NUP210L: variants seen among roughly 807,000 people sequenced by gnomAD.
NUP210L encodes the protein nucleoporin 210 like.
NUP210L carries 74 observed loss-of-function variants against 208.5 expected under a neutral mutation model. That is an observed-to-expected ratio of 0.35 (90% CI 0.29 to 0.43). NUP210L has a LOEUF of 0.43. NUP210L is among the 20% of genes least tolerant of loss of function. The pLI is 1.00. For synonymous variants in NUP210L, 780 were observed against 816.9 expected, an observed-to-expected ratio of 0.95 and a Z score of 0.77; for missense variants, 1,843 against 2,289.4, an observed-to-expected ratio of 0.81 and a Z score of 3.98.
At chr1:154,054,507 C>A in intron 24 of NUP210L, 100 bp from the exon 25 acceptor site, 1 of 1,142,912 alleles carries the variant, frequency 8.7e-7, no homozygotes, top group Non-Finnish European at 1.3e-6. Flanking sequence ...TTCATCTTCC[C>A]CCATTTCTTG....
intron 17 of NUP210L, among the ~76,000 whole-genome samples, chr1:154,065,237 T>C (rs114631032): frequency 0.016 from 2,435 of 151,716 alleles, 26 homozygotes; most frequent in Non-Finnish European, 0.025. Context: ...TTGGGCAACA[T>C]AGTGAGAACC....
rs1432994082 is a variant in NUP210L at position 154,076,025 on chromosome 1, AG to A, written c.2362-5561del. Among the ~76,000 whole-genome samples, 3 of 151,706 alleles carry A rather than the reference AG, an allele frequency of 2.0e-5. No individual in the cohort carries two copies. The East Asian group carries it at 5.8e-4, about 29-fold the overall frequency. On this transcript the variant is annotated intron_variant, in intron 16 of 39. Coordinates refer to ENST00000368559, the Ensembl canonical transcript of NUP210L. ...GCTGGTCTCGAATTCCTGGACTCAA[AG>A]GATCCGTCCACCTCAGGCTCCCAGA... is the stretch of plus-strand genomic sequence containing the variant.
At chr1:154,151,761 C>T (rs554688331) in intron 2 of NUP210L, among the ~76,000 whole-genome samples, 65 of 152,146 alleles carry the variant, frequency 4.3e-4, no homozygotes, top group African/African-American at 1.5e-3. Context: ...GCACTACAAC[C>T]TGTGCAACAA....
At chr1:154,030,853 T>A (rs1191826493) in intron 27 of NUP210L, among the ~76,000 whole-genome samples, 1 of 152,000 alleles carries the variant, frequency 6.6e-6, no homozygotes, top group Non-Finnish European at 1.5e-5. Context: ...CACCTCAGCC[T>A]CTCAAGTAGC....
At chr1:154,086,618 C>T (rs1006151896) in intron 16 of NUP210L, among the ~76,000 whole-genome samples, 7 of 151,586 alleles carry the variant, frequency 4.6e-5, no homozygotes, top group African/African-American at 1.7e-4. Flanking sequence ...TGAGACCAGC[C>T]TGGGCAATAT....
chr1:154,063,813 T>G (rs1213652175), intron 17 of NUP210L, among the ~76,000 whole-genome samples: 1 of 151,986 alleles, frequency 6.6e-6, no homozygotes, highest in Non-Finnish European at 1.5e-5. Context: ...TTAAGAGAGA[T>G]ATTCAGACTT....
chr1:154,074,717 C>T (rs1359921062), intron 16 of NUP210L, among the ~76,000 whole-genome samples: 3 of 152,184 alleles, frequency 2.0e-5, no homozygotes, highest in Non-Finnish European at 4.4e-5. Flanking sequence ...GTCTCGAATC[C>T]TGACCTTGTG....
chr1:154,036,424 G>A (rs935732120), intron 27 of NUP210L, among the ~76,000 whole-genome samples: 2 of 141,592 alleles, frequency 1.4e-5, no homozygotes, highest in Non-Finnish European at 3.0e-5. Context: ...GAGTGCAATG[G>A]TGTGATCTTG....
At chr1:154,046,429 A>G (rs924647342) in intron 25 of NUP210L, 60 bp from the exon 26 acceptor site, 33 of 1,380,972 alleles carry the variant, frequency 2.4e-5, no homozygotes, top group Non-Finnish European at 3.2e-5. Context: ...GGGTGGACAG[A>G]GATGCTTTTG....
chr1:154,039,913 A>G (rs1652772759), intron 27 of NUP210L: 1 of 152,074 alleles, frequency 6.6e-6, no homozygotes, highest in African/African-American at 2.4e-5. Context: ...CTCTATCTCT[A>G]CCTCTTAAAT....
chr1:154,126,336 G>C (rs764844657), exon 10 of NUP210L: 1 of 1,610,784 alleles, frequency 6.2e-7, no homozygotes, highest in Non-Finnish European at 8.5e-7. Flanking sequence ...GTAAATGATG[G>C]AGGTCAGGGA....
At chr1:154,009,786 C>A (rs1452311321) in intron 35 of NUP210L, among the ~76,000 whole-genome samples, 186 bp downstream of exon 35, 6 of 133,118 alleles carry the variant, frequency 4.5e-5, no homozygotes, top group Non-Finnish European at 3.1e-5. Flanking sequence ...CAGCAAGACC[C>A]AGTCTCAAAA....
intron 12 of NUP210L, among the ~76,000 whole-genome samples, chr1:154,114,040 G>A (rs1657189046): frequency 6.6e-6 from 1 of 151,706 alleles, no homozygotes; most frequent in Admixed American, 6.6e-5. Flanking sequence ...CTACTCGGGA[G>A]GCTGAGGCAG....
At chr1:154,024,871 T>C (rs988103336) in intron 30 of NUP210L, among the ~76,000 whole-genome samples, 7 of 149,636 alleles carry the variant, frequency 4.7e-5, no homozygotes, top group African/African-American at 1.2e-4. Flanking sequence ...CCGATACCAG[T>C]CCTTTTGCCA....
In NUP210L at chr1:154,012,228, T is replaced by C; in HGVS notation, c.4780+16A>G. 1.2e-6 allele frequency: 2 copies of C among 1,612,034 alleles called. No individual in the cohort carries two copies. Among genetic ancestry groups the C allele is most frequent in the Non-Finnish European group, 8.5e-7 (1 of 1,179,202 alleles). On this transcript the variant is annotated intron_variant, in intron 34 of 39. Coordinates refer to ENST00000368559, the Ensembl canonical transcript of NUP210L. ...AAGATAGGAACAATCACTGAAACCA[T>C]GAAGAGATTCCTGACCTTTAAGATT...
intron 2 of NUP210L, among the ~76,000 whole-genome samples, 171 bp downstream of exon 2, chr1:154,152,565 G>A (rs1025348787): frequency 6.7e-6 from 1 of 150,368 alleles, no homozygotes; most frequent in Non-Finnish European, 1.5e-5. Context: ...TTCTGCCTCA[G>A]CCTCCCAAAG....
At chr1:154,103,935 G>C in intron 13 of NUP210L, 77 bp downstream of exon 13, 1 of 1,133,632 alleles carries the variant, frequency 8.8e-7, no homozygotes, top group African/African-American at 1.6e-5. Flanking sequence ...GACAAAGAAA[G>C]TAATCTGTCA....
rs563971901 is a variant in NUP210L, at chr1:154,005,227, A to T, written c.4931-3242T>A. ...AACTGCCTTCATTATTTATTTATTTATTTATTTTTTTGAGATGGAGTCTTG... is the reference window on the plus strand; with the variant it reads ...AACTGCCTTCATTATTTATTTATTTTTTTATTTTTTTGAGATGGAGTCTTG... On this transcript the variant is annotated intron_variant, in intron 35 of 39. Coordinates refer to ENST00000368559, the Ensembl canonical transcript of NUP210L. 4.0e-3 allele frequency among the ~76,000 whole-genome samples: 598 copies of T among 150,106 alleles called. 5 individuals are homozygous for T. The highest frequency in any genetic ancestry group is 0.014 in the African/African-American group (562 of 40,840).
At chr1:154,040,303 C>G (rs1230694651) in intron 27 of NUP210L, among the ~76,000 whole-genome samples, 2 of 151,690 alleles carry the variant, frequency 1.3e-5, no homozygotes, top group Admixed American at 6.6e-5. Context: ...GCTTGTGATG[C>G]TGAGGCAGGA....
Sources: allele counts gnomAD v4.1 joint callset (sites outside exome capture counted in the v4.1 genomes callset), GRCh38; gene constraint gnomAD v4.1.1; transcripts MANE v1.5; gene names NCBI Gene and HGNC (gene_info 2026-07-23, HGNC 2026-07-21).